PSMB1: variants seen among roughly 807,000 people sequenced by gnomAD.
PSMB1 encodes the protein proteasome subunit beta type-1.
In PSMB1, 7 loss-of-function variants were observed where a neutral mutation model predicts 25.4. The observed-to-expected ratio is 0.28, with a 90% CI of 0.16 to 0.52. The LOEUF (loss-of-function observed/expected upper bound fraction) is 0.52, where lower values mean the gene tolerates loss of function less well. Ranked by LOEUF, PSMB1 falls within the 20% of genes least tolerant of loss-of-function variation. The pLI is 0.97. For missense variants in PSMB1, 284 were observed against 302.2 expected (o/e 0.94, Z 0.45); for synonymous variants, 119 against 115.0 (o/e 1.03, Z -0.22).
chr6:170,543,562 T>C, intron 4 of PSMB1, 39 bp downstream of exon 4: 1 of 1,553,070 alleles, frequency 6.4e-7, no homozygotes, highest in South Asian at 1.1e-5. Context: ...GAATAATAAC[T>C]CCTCCCCCCC....
intron 4 of PSMB1, among the ~76,000 whole-genome samples, chr6:170,538,190 T>C (rs1778717386): frequency 6.6e-6 from 1 of 152,200 alleles, no homozygotes; most frequent in African/African-American, 2.4e-5. Context: ...ACACAGGTGA[T>C]TCTACAATCG....
intron 4 of PSMB1, among the ~76,000 whole-genome samples, chr6:170,540,757 C>T (rs1202766136): frequency 6.6e-6 from 1 of 151,220 alleles, no homozygotes; most frequent in Non-Finnish European, 1.5e-5. Context: ...AAAATAAGTA[C>T]AAGCTCTTGG....
chr6:170,543,622 T>G lies in PSMB1; in HGVS notation c.412A>C (p.Ile138Leu). The change falls in exon 4 of 6, where the codon ATC (isoleucine) becomes CTC (leucine). Residue 138 changes from isoleucine to leucine, a missense_variant. Transcript: ENST00000262193. ...RFFPYYVYNI[I>L]GGLDEEGKGA... ...CTACCTTCTTCATCAAGTCCACCGA[T>G]GATGTTGTAAACATAGTATGGAAAG... 6.2e-7 allele frequency: 1 copy of G among 1,610,282 alleles called. No individual in the cohort carries two copies. Among genetic ancestry groups the G allele is most frequent in the Non-Finnish European group, 8.5e-7 (1 of 1,177,586 alleles).
chr6:170,537,087 C>A (rs1778703547), intron 5 of PSMB1, 147 bp downstream of exon 5: 1 of 641,316 alleles, frequency 1.6e-6, no homozygotes, highest in Non-Finnish European at 2.8e-6. Context: ...TAGGACACGT[C>A]TGCCAAACTC....
intron 3 of PSMB1, 64 bp downstream of exon 3, chr6:170,546,039 C>T: frequency 7.1e-7 from 1 of 1,401,702 alleles, no homozygotes. Flanking sequence ...ATGCTGTAGG[C>T]TTAAAAGAAT....
intron 4 of PSMB1, among the ~76,000 whole-genome samples, chr6:170,538,745 G>A (rs1039283507): frequency 3.9e-5 from 6 of 152,300 alleles, no homozygotes; most frequent in African/African-American, 1.4e-4. Context: ...GGTGGAGAAG[G>A]CACCATCTGA....
intron 4 of PSMB1, among the ~76,000 whole-genome samples, chr6:170,537,935 G>A (rs1195428215): frequency 2.0e-5 from 3 of 152,182 alleles, no homozygotes; most frequent in South Asian, 4.2e-4. Context: ...AGGAAAGCAC[G>A]ACTTATGTAT....
intron 2 of PSMB1, among the ~76,000 whole-genome samples, chr6:170,547,937 T>C (rs1305331172): frequency 1.3e-5 from 2 of 150,256 alleles, no homozygotes; most frequent in African/African-American, 4.9e-5. Context: ...AAGCAATATT[T>C]AAAAGATGAG....
intron 4 of PSMB1, among the ~76,000 whole-genome samples, chr6:170,542,437 G>A (rs12200064): frequency 0.043 from 6,594 of 152,192 alleles, 171 homozygotes; most frequent in Middle Eastern, 0.071. Flanking sequence ...GTGGCCAGCC[G>A]CATGTATTCC....
chr6:170,537,564 C>G (rs923191595), intron 4 of PSMB1, among the ~76,000 whole-genome samples: 3 of 152,126 alleles, frequency 2.0e-5, no homozygotes, highest in Admixed American at 6.5e-5. Flanking sequence ...AGGTGCCACC[C>G]AGCAGACAGC....
rs75823669 is a variant in PSMB1 at position 170,540,271 on chromosome 6, T to C, written c.434-2931A>G. On this transcript the variant is annotated intron_variant, in intron 4 of 5. Transcript: ENST00000262193. ...CAGTAAAGGAAGTCTCCTGAGACATTAGCAGAGGCTCTGGACTTAGGGGAC... is the reference window on the plus strand; with the variant it reads ...CAGTAAAGGAAGTCTCCTGAGACATCAGCAGAGGCTCTGGACTTAGGGGAC... 4.9e-3 allele frequency among the ~76,000 whole-genome samples: 744 copies of C among 152,198 alleles called. 7 individuals are homozygous for C. Among genetic ancestry groups the C allele is most frequent in the East Asian group, 0.02 (103 of 5,178 alleles).
chr6:170,546,270 T>G, intron 2 of PSMB1, 86 bp from the exon 3 acceptor site: 1 of 1,028,778 alleles, frequency 9.7e-7, no homozygotes, highest in Admixed American at 2.0e-5. Context: ...AAAATTCTGA[T>G]TCCCACTATT....
intron 4 of PSMB1, among the ~76,000 whole-genome samples, chr6:170,540,588 C>CAAAAAA (rs5881872): frequency 6.9e-4 from 42 of 61,174 alleles, no homozygotes; most frequent in East Asian, 1.8e-3. Flanking sequence ...GAATGGACAG[C>CAAAAAA]AAAAAAAAAA....
At chr6:170,549,274 T>C in intron 1 of PSMB1, 161 bp from the exon 2 acceptor site, 1 of 511,164 alleles carries the variant, frequency 2.0e-6, no homozygotes, top group Non-Finnish European at 3.4e-6. Context: ...AATGAACGCC[T>C]GGCTACGAGT....
chr6:170,543,489 T>G (rs1400947099), intron 4 of PSMB1, 112 bp downstream of exon 4: 7 of 1,122,314 alleles, frequency 6.2e-6, no homozygotes, highest in African/African-American at 1.6e-5. Flanking sequence ...AGAAATGAAA[T>G]GAGAATTGTG....
intron 4 of PSMB1, among the ~76,000 whole-genome samples, chr6:170,538,020 C>A (rs1778715749): frequency 1.3e-5 from 2 of 152,206 alleles, no homozygotes; most frequent in Non-Finnish European, 2.9e-5. Context: ...AAATACGATA[C>A]TGCTTTTGTT....
At position 170,535,203 on chromosome 6, in the gene PSMB1, T is replaced by A; in HGVS notation, c.*17A>T. The A allele has an allele frequency of 6.2e-7, 1 of 1,611,418 alleles. No homozygotes were observed. The highest frequency in any genetic ancestry group is 1.7e-5 in the Admixed American group (1 of 59,894). On this transcript the variant is annotated 3_prime_UTR_variant, in exon 6 of 6. Coordinates refer to ENST00000262193, the MANE Select transcript of PSMB1 (RefSeq NM_002793.4). ...AATCAACCAGGTCTGAACTGATTGGTGATAAGAGCACACAGATCAGTCCTT... is the reference window on the plus strand; with the variant it reads ...AATCAACCAGGTCTGAACTGATTGGAGATAAGAGCACACAGATCAGTCCTT...
chr6:170,538,987 TAAAA>T (rs1427222164), intron 4 of PSMB1, among the ~76,000 whole-genome samples: 1 of 151,552 alleles, frequency 6.6e-6, no homozygotes, highest in African/African-American at 2.4e-5. Flanking sequence ...ACAACAAATT[TAAAA>T]AAATAAACCA....
chr6:170,552,652 G>C (rs1778924657), intron 1 of PSMB1, among the ~76,000 whole-genome samples: 2 of 152,156 alleles, frequency 1.3e-5, no homozygotes, highest in African/African-American at 4.8e-5. Flanking sequence ...AGACATCTCG[G>C]CTACCAACCC....
Sources: gnomAD v4.1 joint callset for allele counts (sites outside exome capture counted in the v4.1 genomes callset) on GRCh38, gnomAD v4.1.1 for gene constraint, MANE v1.5 for transcripts, NCBI Gene and HGNC (gene_info 2026-07-23, HGNC 2026-07-21) for gene names.